METTL15: variants seen among roughly 807,000 people sequenced by gnomAD.
The protein encoded by METTL15 is 12S rRNA N(4)-cytidine methyltransferase METTL15.
METTL15 carries 34 observed loss-of-function variants against 38.3 expected under a neutral mutation model. The ratio of observed to expected loss-of-function variants is 0.89; its 90% CI spans 0.68 to 1.18. METTL15 has a LOEUF of 1.18. Ranked by LOEUF, METTL15 falls within the 50% of genes most tolerant of loss-of-function variation. METTL15 has a pLI of 0.00. For synonymous variants in METTL15, 162 were observed against 170.9 expected (o/e 0.95, Z 0.41); for missense variants, 438 against 498.4 (o/e 0.88, Z 1.15).
At chr11:28,268,733 C>T (rs1055753309) in intron 4 of METTL15, among the ~76,000 whole-genome samples, 3 of 152,034 alleles carry the variant, frequency 2.0e-5, no homozygotes, top group African/African-American at 7.2e-5. Flanking sequence ...ATAACATAAA[C>T]CATTTTTTGC....
intron 6 of METTL15, among the ~76,000 whole-genome samples, chr11:28,462,055 A>G (rs1851220372): frequency 6.6e-6 from 1 of 152,084 alleles, no homozygotes; most frequent in African/African-American, 2.4e-5. Flanking sequence ...AGCATTGAAC[A>G]ATGTGACTCA....
chr11:28,468,169 A>G (rs1851273554), intron 6 of METTL15, among the ~76,000 whole-genome samples: 1 of 152,224 alleles, frequency 6.6e-6, no homozygotes, highest in African/African-American at 2.4e-5. Context: ...AATTGGCTCT[A>G]GGAAGTTCGG....
At chr11:28,218,191 C>T (rs964202068) in intron 4 of METTL15, among the ~76,000 whole-genome samples, 8 of 152,114 alleles carry the variant, frequency 5.3e-5, no homozygotes, top group Admixed American at 3.9e-4. Context: ...TACCCATGAG[C>T]ATGGAATGTT....
intron 4 of METTL15, among the ~76,000 whole-genome samples, chr11:28,263,720 C>T (rs1053395510): frequency 6.6e-6 from 1 of 152,004 alleles, no homozygotes; most frequent in Non-Finnish European, 1.5e-5. Flanking sequence ...TGAAGGTGCT[C>T]TGTCAGATTT....
At chr11:28,274,371 A>T (rs1457364311) in intron 4 of METTL15, among the ~76,000 whole-genome samples, 1 of 152,112 alleles carries the variant, frequency 6.6e-6, no homozygotes, top group Non-Finnish European at 1.5e-5. Context: ...TTTGAAGCTA[A>T]TGACAACAGC....
chr11:28,338,291 C>A (rs1156504934), downstream of METTL15, among the ~76,000 whole-genome samples: 1 of 152,086 alleles, frequency 6.6e-6, no homozygotes, highest in African/African-American at 2.4e-5. Flanking sequence ...AGAATCTACA[C>A]TGCCTCCAAC....
intron 3 of METTL15, among the ~76,000 whole-genome samples, chr11:28,207,182 G>T (rs1331539528): frequency 6.6e-6 from 1 of 151,334 alleles, no homozygotes; most frequent in African/African-American, 2.4e-5. Flanking sequence ...TCCGTGTCTT[G>T]TGCCAGTTTT....
intron 6 of METTL15, among the ~76,000 whole-genome samples, chr11:28,316,810 G>A (rs1258023930): frequency 6.6e-6 from 1 of 152,076 alleles, no homozygotes; most frequent in African/African-American, 2.4e-5. Context: ...TGCCCTGCAC[G>A]AGCTCTCATT....
chr11:28,210,926 A>G, intron 3 of METTL15, 136 bp from the exon 4 acceptor site: 3 of 900,216 alleles, frequency 3.3e-6, no homozygotes, highest in Non-Finnish European at 4.9e-6. Context: ...ATTCAACTAT[A>G]GGCACAACGA....
intron 4 of METTL15, among the ~76,000 whole-genome samples, chr11:28,271,793 A>C (rs1486349315): frequency 6.6e-6 from 1 of 152,208 alleles, no homozygotes; most frequent in Non-Finnish European, 1.5e-5. Context: ...AACCTACAGA[A>C]TGAAAGAAAA....
intron 6 of METTL15, among the ~76,000 whole-genome samples, chr11:28,495,931 T>G (rs1851532243): frequency 6.6e-6 from 1 of 152,224 alleles, no homozygotes; most frequent in South Asian, 2.1e-4. Flanking sequence ...TGGACCCTGC[T>G]TGTCTTTCTT....
chr11:28,433,172 G>GT (rs72444156), intron 6 of METTL15, among the ~76,000 whole-genome samples: 14,538 of 77,254 alleles, frequency 0.19, 972 homozygotes, highest in South Asian at 0.35. Context: ...TGTTTTTTTT[G>GT]TTTTTTTTTG....
downstream of METTL15, among the ~76,000 whole-genome samples, chr11:28,336,859 A>G (rs181374995): frequency 2.9e-3 from 445 of 152,260 alleles, 10 homozygotes; most frequent in South Asian, 0.04. Context: ...TTTTTTTAAA[A>G]ACATTACTGT....
At chr11:28,114,485 C>T (rs567654144) in intron 3 of METTL15, among the ~76,000 whole-genome samples, 2 of 152,146 alleles carry the variant, frequency 1.3e-5, no homozygotes, top group Non-Finnish European at 2.9e-5. Flanking sequence ...GAGTCTTGCT[C>T]TGTCACCTAA....
At chr11:28,226,619 T>C (rs1237371280) in intron 4 of METTL15, among the ~76,000 whole-genome samples, 3 of 151,982 alleles carry the variant, frequency 2.0e-5, no homozygotes, top group Non-Finnish European at 4.4e-5. Flanking sequence ...ATGGCAAGTC[T>C]CGAACTCATA....
chr11:28,383,702 T>C (rs1287985815), intron 5 of METTL15, among the ~76,000 whole-genome samples: 1 of 152,226 alleles, frequency 6.6e-6, no homozygotes, highest in Non-Finnish European at 1.5e-5. Flanking sequence ...TTTGCATTTC[T>C]CTAATGTTTA....
Position 28,519,511 on chromosome 11 carries a change from C to T in METTL15, c.*425-6967C>T, listed in dbSNP as rs181411627. 4.3e-3 allele frequency among the ~76,000 whole-genome samples: 646 copies of T among 151,520 alleles called. 3 individuals carry two copies. The highest frequency in any genetic ancestry group is 6.0e-3 in the Non-Finnish European group (408 of 67,902). ...CAGAGTTTGCAGTGAGCTGAGATTA[C>T]GCCACTGCACTCCAGCCTGGGCGAC... On this transcript the variant is annotated intron_variant and NMD_transcript_variant, in intron 6 of 7. Coordinates refer to the METTL15 transcript ENST00000532947.
intron 3 of METTL15, among the ~76,000 whole-genome samples, chr11:28,348,054 A>C (rs1005860149): frequency 7.9e-5 from 12 of 152,190 alleles, no homozygotes; most frequent in Non-Finnish European, 1.5e-4. Flanking sequence ...GAGATTGCAC[A>C]TGATATCTAT....
intron 4 of METTL15, among the ~76,000 whole-genome samples, chr11:28,283,485 C>T (rs1049125309): frequency 5.9e-5 from 9 of 152,018 alleles, no homozygotes; most frequent in African/African-American, 1.2e-4. Context: ...GATTGTATGC[C>T]GTTAGAAGAA....
Sources: gnomAD v4.1 joint callset for allele counts (sites outside exome capture counted in the v4.1 genomes callset) on GRCh38, gnomAD v4.1.1 for gene constraint, MANE v1.5 for transcripts, NCBI Gene and HGNC (gene_info 2026-07-23, HGNC 2026-07-21) for gene names.